The following LRRC28 variants were observed in gnomAD, a reference collection of about 807,000 sequenced individuals.
LRRC28 encodes the protein leucine-rich repeat-containing protein 28.
A neutral mutation model predicts 45.7 loss-of-function variants in LRRC28; 39 were observed. The ratio of observed to expected loss-of-function variants is 0.85; its 90% CI spans 0.66 to 1.12. The LOEUF (loss-of-function observed/expected upper bound fraction) is 1.12. Ranked by LOEUF, LRRC28 falls within the 50% of genes most tolerant of loss-of-function variation. LRRC28 has a pLI of 0.00. For synonymous variants in LRRC28, 206 were observed against 178.8 expected, an observed-to-expected ratio of 1.15 and a Z score of -1.22; for missense variants, 435 against 438.5, an observed-to-expected ratio of 0.99 and a Z score of 0.07.
chr15:99,379,137 G>T lies in LRRC28; in HGVS notation c.1032-6893G>T, dbSNP rs544973509. Among the ~76,000 whole-genome samples the T allele has an allele frequency of 1.7e-3, 260 of 152,212 alleles. 1 individual carries two copies. The highest frequency in any genetic ancestry group is 2.8e-3 in the Admixed American group (43 of 15,296). ...GTACTAGCTCCTCCTTGTACCTCTG[G>T]TAGAATTCAGCTGTGAATTTGTCTG... On this transcript the variant is annotated intron_variant, in intron 9 of 9. Coordinates refer to ENST00000301981, the MANE Select transcript of LRRC28 (RefSeq NM_144598.5).
At chr15:99,349,772 T>C (rs543674253) in intron 6 of LRRC28, among the ~76,000 whole-genome samples, 1 of 152,268 alleles carries the variant, frequency 6.6e-6, no homozygotes. Flanking sequence ...GAGAAAAATA[T>C]TTGAACAGGC....
intron 6 of LRRC28, among the ~76,000 whole-genome samples, chr15:99,347,262 T>C (rs1956716267): frequency 6.6e-6 from 1 of 151,694 alleles, no homozygotes; most frequent in African/African-American, 2.4e-5. Context: ...CAGGCTGGAG[T>C]GCAGTGGTGC....
intron 8 of LRRC28, among the ~76,000 whole-genome samples, chr15:99,362,891 G>T (rs1262061045): frequency 1.3e-5 from 2 of 151,908 alleles, no homozygotes; most frequent in African/African-American, 4.8e-5. Flanking sequence ...TAAAATGAGT[G>T]AATTTGTGTT....
intron 6 of LRRC28, among the ~76,000 whole-genome samples, chr15:99,345,480 A>T (rs929194253): frequency 6.6e-6 from 1 of 152,072 alleles, no homozygotes; most frequent in African/African-American, 2.4e-5. Context: ...CTTTGGAAAA[A>T]TGTCTGTTTA....
intron 6 of LRRC28, among the ~76,000 whole-genome samples, chr15:99,346,901 A>G (rs1956699930): frequency 6.6e-6 from 1 of 152,178 alleles, no homozygotes; most frequent in Non-Finnish European, 1.5e-5. Context: ...ATATATATTT[A>G]AGTAAATTTT....
intron 6 of LRRC28, chr15:99,338,586 C>T (rs1956403835): frequency 6.6e-6 from 1 of 152,206 alleles, no homozygotes; most frequent in Non-Finnish European, 1.5e-5. Flanking sequence ...GAAATGAATG[C>T]TGTGATATCG....
chr15:99,382,283 C>T (rs1288625430), intron 9 of LRRC28, among the ~76,000 whole-genome samples: 2 of 152,180 alleles, frequency 1.3e-5, no homozygotes, highest in African/African-American at 2.4e-5. Context: ...TCTCAGACTG[C>T]TGTGCTAGCA....
intron 1 of LRRC28, among the ~76,000 whole-genome samples, chr15:99,253,152 G>A (rs2080908530): frequency 6.6e-6 from 1 of 150,848 alleles, no homozygotes; most frequent in South Asian, 2.1e-4. Flanking sequence ...ACTGAGTCTC[G>A]CTCTGTCGCT....
chr15:99,384,987 C>T (rs1472987), intron 9 of LRRC28, among the ~76,000 whole-genome samples: 24,845 of 152,200 alleles, frequency 0.16, 2,344 homozygotes, highest in East Asian at 0.31. Context: ...CAGAAGGATA[C>T]TGAGGCACGC....
At chr15:99,357,925 G>A (rs1375281021) in intron 7 of LRRC28, among the ~76,000 whole-genome samples, 1 of 151,872 alleles carries the variant, frequency 6.6e-6, no homozygotes, top group Non-Finnish European at 1.5e-5. Flanking sequence ...AGAGGAGTGA[G>A]GGCCCACTGT....
At chr15:99,290,675 C>T (rs776496966) in intron 5 of LRRC28, among the ~76,000 whole-genome samples, 3 of 152,030 alleles carry the variant, frequency 2.0e-5, no homozygotes, top group Non-Finnish European at 2.9e-5. Context: ...TTCTGCCAGG[C>T]ATGGTGGTTC....
chr15:99,297,010 T>G (rs2082280885), intron 5 of LRRC28, among the ~76,000 whole-genome samples: 1 of 151,858 alleles, frequency 6.6e-6, no homozygotes, highest in African/African-American at 2.4e-5. Flanking sequence ...CTGAATAAAT[T>G]ATCTGCCAGA....
intron 7 of LRRC28, among the ~76,000 whole-genome samples, chr15:99,355,135 A>T (rs1178365796): frequency 6.6e-6 from 1 of 152,252 alleles, no homozygotes; most frequent in Non-Finnish European, 1.5e-5. Context: ...TTTTGTATTC[A>T]TGGAAATGCA....
chr15:99,282,176 G>GTTTTTTTTTTTTT (rs1476287973), intron 3 of LRRC28, among the ~76,000 whole-genome samples: 5 of 33,886 alleles, frequency 1.5e-4, no homozygotes, highest in Non-Finnish European at 1.6e-4. Flanking sequence ...AATTTTTGGA[G>GTTTTTTTTTTTTT]GTTTTTTTTT....
intron 2 of LRRC28, among the ~76,000 whole-genome samples, chr15:99,265,776 A>G (rs995665200): frequency 6.6e-6 from 1 of 152,228 alleles, no homozygotes; most frequent in African/African-American, 2.4e-5. Flanking sequence ...CCTATGGCTT[A>G]ACCTCTTTGG....
At chr15:99,333,414 A>G (rs1415686171) in intron 5 of LRRC28, among the ~76,000 whole-genome samples, 2 of 152,228 alleles carry the variant, frequency 1.3e-5, no homozygotes, top group Non-Finnish European at 2.9e-5. Flanking sequence ...AATCTTTACC[A>G]TGGTGAAAAT....
At position 99,367,954 on chromosome 15, in the gene LRRC28, A is replaced by C. The variant is rs374003995; in HGVS notation, c.1031+4689A>C. On this transcript the variant is annotated intron_variant, in intron 9 of 9. Coordinates refer to ENST00000301981, the MANE Select transcript of LRRC28 (RefSeq NM_144598.5). ...TTGGTCTTTCTGGTGACCAGCACAC[A>C]TCCTGAAGCTACCCAGGGATTCCCA... Among the ~76,000 whole-genome samples, 5 of 152,270 alleles carry C rather than the reference A, an allele frequency of 3.3e-5. No individual in the cohort carries two copies. In the East Asian group the frequency reaches 9.6e-4, roughly 29 times the overall value.
rs1386591508 is a variant in LRRC28 at position 99,388,318 on chromosome 15, G to T, written c.*2216G>T. 6.6e-6 allele frequency: 1 copy of T among 152,164 alleles called. No homozygotes were observed. The highest frequency in any genetic ancestry group is 1.5e-5 in the Non-Finnish European group (1 of 68,028). 9.4% of individuals were successfully genotyped at this position (152,164 alleles called of 1,614,324 possible). A position where few individuals can be genotyped will look rare whatever the true frequency, so the allele number is the denominator to read the frequency against. On this transcript the variant is annotated 3_prime_UTR_variant, in exon 10 of 10. Coordinates refer to ENST00000301981, the MANE Select transcript of LRRC28 (RefSeq NM_144598.5). ...TGAAATGTGCTAACTTGGTATTCAG[G>T]ATTCTCATTGTGATAAGGTGATACA...
intron 2 of LRRC28, among the ~76,000 whole-genome samples, chr15:99,267,653 GT>G (rs1255716875): frequency 6.6e-6 from 1 of 152,210 alleles, no homozygotes; most frequent in Non-Finnish European, 1.5e-5. Flanking sequence ...GTGTTTTAGT[GT>G]TTGTAAGTAA....
Sources: gnomAD v4.1 joint callset for allele counts (sites outside exome capture counted in the v4.1 genomes callset) on GRCh38, gnomAD v4.1.1 for gene constraint, MANE v1.5 for transcripts, NCBI Gene and HGNC (gene_info 2026-07-23, HGNC 2026-07-21) for gene names.